AKT3: variants seen among roughly 807,000 people sequenced by gnomAD.
AKT3 encodes the protein AKT serine/threonine kinase 3.
In AKT3, 15 loss-of-function variants were observed where a neutral mutation model predicts 65.3. That is an observed-to-expected ratio of 0.23 (90% confidence interval 0.15 to 0.35). AKT3 has a LOEUF of 0.35. AKT3 is among the 10% of genes least tolerant of loss of function. AKT3 has a pLI of 1.00. For synonymous variants in AKT3, 206 were observed against 183.8 expected, an observed-to-expected ratio of 1.12 and a Z score of -0.98; for missense variants, 243 against 576.5, an observed-to-expected ratio of 0.42 and a Z score of 5.92.
At chr1:243,559,280 A>G (rs1299275745) in intron 10 of AKT3, among the ~76,000 whole-genome samples, 1 of 152,160 alleles carries the variant, frequency 6.6e-6, no homozygotes, top group Non-Finnish European at 1.5e-5. Context: ...TGCACAGTGC[A>G]TATGCCAGCT....
chr1:243,520,410 T>C (rs1445635645), intron 12 of AKT3, among the ~76,000 whole-genome samples: 1 of 152,246 alleles, frequency 6.6e-6, no homozygotes. Flanking sequence ...CAGTCTGTGG[T>C]ATTTTGTTAC....
chr1:243,570,929 T>C (rs1402244664), intron 9 of AKT3, among the ~76,000 whole-genome samples: 1 of 152,232 alleles, frequency 6.6e-6, no homozygotes, highest in African/African-American at 2.4e-5. Flanking sequence ...GATATTCATA[T>C]ATAAAGTAGG....
chr1:243,755,081 T>G (rs189535620), intron 2 of AKT3, among the ~76,000 whole-genome samples: 144 of 152,282 alleles, frequency 9.5e-4, no homozygotes, highest in African/African-American at 3.4e-3. Flanking sequence ...ATTATTGGTT[T>G]TTTTGGAGAC....
chr1:243,715,188 T>G (rs769117319), intron 2 of AKT3, among the ~76,000 whole-genome samples: 1 of 152,016 alleles, frequency 6.6e-6, no homozygotes, highest in African/African-American at 2.4e-5. Context: ...CCCAGGAAAT[T>G]GGGCATAATT....
chr1:243,490,005 G>T (rs1240199157), intron 13 of AKT3, among the ~76,000 whole-genome samples: 1 of 152,208 alleles, frequency 6.6e-6, no homozygotes, highest in African/African-American at 2.4e-5. Flanking sequence ...GCTGACCAAG[G>T]CCTCCGCCTT....
At chr1:243,555,103 A>C (rs990701788) in intron 10 of AKT3, among the ~76,000 whole-genome samples, 3 of 152,192 alleles carry the variant, frequency 2.0e-5, no homozygotes, top group Admixed American at 6.5e-5. Context: ...TACGTGCCTT[A>C]ATTGATCTAC....
chr1:243,623,926 C>T (rs1224874846), intron 6 of AKT3, among the ~76,000 whole-genome samples: 2 of 152,176 alleles, frequency 1.3e-5, no homozygotes, highest in African/African-American at 4.8e-5. Flanking sequence ...AAGAAGATAC[C>T]TTAAAGCTTG....
At chr1:243,545,475 AAATAT>A in intron 12 of AKT3, 30 bp downstream of exon 12, 2 of 1,361,734 alleles carry the variant, frequency 1.5e-6, no homozygotes, top group Non-Finnish European at 2.1e-6. Flanking sequence ...AGTGCAGCCA[AAATAT>A]ATACACACTA....
chr1:243,545,393 TA>T, intron 12 of AKT3, 116 bp downstream of exon 12: 1 of 557,554 alleles, frequency 1.8e-6, no homozygotes, highest in Non-Finnish European at 3.0e-6. Flanking sequence ...TAAATGTCGG[TA>T]AAATGGAAAG....
At chr1:243,593,463 G>GA (rs1553411172) in intron 8 of AKT3, among the ~76,000 whole-genome samples, 1 of 152,166 alleles carries the variant, frequency 6.6e-6, no homozygotes, top group Non-Finnish European at 1.5e-5. Context: ...TAGGTGCGTG[G>GA]ATCACTTGAG....
chr1:243,721,171 T>TTTCTGTCTAGGAACTGGCCTAGACAGAAA (rs1686874367), intron 2 of AKT3, among the ~76,000 whole-genome samples: 3 of 152,286 alleles, frequency 2.0e-5, no homozygotes, highest in South Asian at 2.1e-4. Context: ...TCCCCTCACC[T>TTTCTGTCTAGGAACTGGCCTAGACAGAAA]TTCTGTCTAG....
intron 2 of AKT3, among the ~76,000 whole-genome samples, chr1:243,743,773 A>G (rs901624832): frequency 6.6e-6 from 1 of 152,214 alleles, no homozygotes; most frequent in Non-Finnish European, 1.5e-5. Context: ...CTGTAATCCC[A>G]GCACTTTGGA....
intron 13 of AKT3, among the ~76,000 whole-genome samples, chr1:243,506,861 G>GC (rs1202387842): frequency 2.0e-5 from 3 of 152,188 alleles, no homozygotes; most frequent in African/African-American, 7.2e-5. Context: ...TTTGTACCAA[G>GC]CAAGTCACAC....
chr1:243,489,059 G>A lies in AKT3; in HGVS notation c.*7-609C>T, dbSNP rs201112344. 9 of 1,613,298 alleles carry A rather than the reference G, an allele frequency of 5.6e-6. No individual in the cohort carries two copies. Among genetic ancestry groups the A allele is most frequent in the Non-Finnish European group, 7.6e-6 (9 of 1,180,034 alleles). On this transcript the variant is annotated intron_variant, in intron 13 of 13. Transcript: ENST00000336199. ...ACAGCCAGGCCACAGCCCAGCAGCT[G>A]GTGCAGCTCCTCAGCAAGCAGAACC...
At chr1:243,666,171 T>C (rs1033256757) in intron 3 of AKT3, among the ~76,000 whole-genome samples, 1 of 152,106 alleles carries the variant, frequency 6.6e-6, no homozygotes, top group Non-Finnish European at 1.5e-5. Context: ...GCCCAGCTTA[T>C]TTTTCTAATT....
At chr1:243,509,830 C>T (rs1669909929) in intron 13 of AKT3, among the ~76,000 whole-genome samples, 1 of 152,164 alleles carries the variant, frequency 6.6e-6, no homozygotes, top group Non-Finnish European at 1.5e-5. Flanking sequence ...AAAAACGCCA[C>T]TGAGAGACTA....
chr1:243,818,795 A>G (rs773994042), intron 2 of AKT3, among the ~76,000 whole-genome samples: 2 of 152,090 alleles, frequency 1.3e-5, no homozygotes, highest in African/African-American at 2.4e-5. Context: ...AGGCCAGTGA[A>G]TCCTGCACCA....
At chr1:243,585,804 A>G (rs944008669) in intron 8 of AKT3, among the ~76,000 whole-genome samples, 1 of 152,182 alleles carries the variant, frequency 6.6e-6, no homozygotes, top group Non-Finnish European at 1.5e-5. Flanking sequence ...AAAATCTAAG[A>G]AACACCATTC....
At chr1:243,653,605 C>T (rs976720272) in intron 4 of AKT3, among the ~76,000 whole-genome samples, 7 of 152,110 alleles carry the variant, frequency 4.6e-5, no homozygotes, top group African/African-American at 1.7e-4. Flanking sequence ...TCTATAAATA[C>T]TAGGTATATC....
Sources: allele counts gnomAD v4.1 joint callset (sites outside exome capture counted in the v4.1 genomes callset), GRCh38; gene constraint gnomAD v4.1.1; transcripts MANE v1.5; gene names NCBI Gene and HGNC (gene_info 2026-07-23, HGNC 2026-07-21).